Variants in MYZAP observed in about 807,000 individuals in gnomAD.
MYZAP encodes GRINL1A complex locus upstream.
MYZAP carries 66 observed loss-of-function variants against 69.4 expected under a neutral mutation model. That is an observed-to-expected ratio of 0.95 (90% CI 0.78 to 1.17). The LOEUF (loss-of-function observed/expected upper bound fraction) is 1.17, where lower values mean the gene tolerates loss of function less well. MYZAP is among the 50% of genes most tolerant of loss of function. MYZAP has a pLI of 0.00. For synonymous variants in MYZAP, 256 were observed against 205.9 expected, an observed-to-expected ratio of 1.24 and a Z score of -2.09; for missense variants, 611 against 556.2, an observed-to-expected ratio of 1.10 and a Z score of -0.99.
At chr15:57,616,065 G>GT (rs1165577322) in intron 2 of MYZAP, among the ~76,000 whole-genome samples, 5 of 152,222 alleles carry the variant, frequency 3.3e-5, no homozygotes, top group African/African-American at 1.2e-4. Context: ...TTAGAGACCT[G>GT]TAAGTTTAAT....
chr15:57,639,315 G>T, intron 9 of MYZAP, 125 bp from the exon 10 acceptor site: 1 of 1,015,346 alleles, frequency 9.8e-7, no homozygotes, highest in South Asian at 1.6e-5. Context: ...TTGAAGTGTT[G>T]GGATTACAGG....
intron 10 of MYZAP, among the ~76,000 whole-genome samples, chr15:57,656,466 G>A (rs1470420054): frequency 2.0e-5 from 3 of 152,220 alleles, no homozygotes; most frequent in African/African-American, 7.2e-5. Context: ...TTTGAAGTTA[G>A]TAGTCAGAAA....
Position 57,684,587 on chromosome 15 carries a change from C to G in MYZAP, c.*89C>G, listed in dbSNP as rs926989329. The G allele has an allele frequency of 1.6e-5, 13 of 813,018 alleles. No homozygotes were observed. Among genetic ancestry groups the G allele is most frequent in the Non-Finnish European group, 2.2e-5 (11 of 491,242 alleles). 50.4% of individuals were successfully genotyped at this position (813,018 alleles called of 1,614,324 possible). ...CTTTGGGAAGGGTGACTGTTGTTTCCCCTACACACAGTGTAAGCCGGAATG... is the reference window on the plus strand; with the variant it reads ...CTTTGGGAAGGGTGACTGTTGTTTCGCCTACACACAGTGTAAGCCGGAATG... On this transcript the variant is annotated 3_prime_UTR_variant, in exon 13 of 13. Transcript: ENST00000267853.
intron 10 of MYZAP, among the ~76,000 whole-genome samples, chr15:57,645,148 A>G (rs1443992701): frequency 6.6e-6 from 1 of 152,246 alleles, no homozygotes; most frequent in Non-Finnish European, 1.5e-5. Flanking sequence ...CACTTCTCAA[A>G]TTCAAGGCAA....
intron 9 of MYZAP, among the ~76,000 whole-genome samples, chr15:57,638,844 G>T (rs947167698): frequency 1.3e-5 from 2 of 152,220 alleles, no homozygotes; most frequent in Admixed American, 1.3e-4. Flanking sequence ...TGTGTTGCTG[G>T]ACCCCTTCTT....
At position 57,599,543 on chromosome 15, in the gene MYZAP, G is replaced by A. The variant is rs141026260; in HGVS notation, c.76-4726G>A. 6.7e-5 allele frequency: 85 copies of A among 1,266,680 alleles called. No individual in the cohort carries two copies. In the East Asian group the frequency reaches 4.1e-3, roughly 61 times the overall value. The allele number at this position is 1,266,680 out of a possible 1,614,324, so 78.5% of individuals were successfully genotyped here. ...TGTTCAGGGTAGGATGCAGTTCTTC[G>A]CATTGTGCATAACACAAGCCCTGAA... On this transcript the variant is annotated intron_variant, in intron 1 of 12. Coordinates refer to ENST00000267853, the MANE Select transcript of MYZAP (RefSeq NM_001018100.5).
At chr15:57,663,025 A>G (rs1472929013) in intron 11 of MYZAP, among the ~76,000 whole-genome samples, 1 of 152,146 alleles carries the variant, frequency 6.6e-6, no homozygotes, top group Non-Finnish European at 1.5e-5. Context: ...GTGAATGAAC[A>G]TTTCTGTTTC....
At chr15:57,666,143 T>G (rs1425253602) in intron 11 of MYZAP, among the ~76,000 whole-genome samples, 1 of 152,234 alleles carries the variant, frequency 6.6e-6, no homozygotes, top group Middle Eastern at 3.2e-3. Flanking sequence ...CATTCTGCCA[T>G]TATCTGTGCA....
At chr15:57,634,935 C>T (rs538201020) in intron 8 of MYZAP, among the ~76,000 whole-genome samples, 1 of 152,130 alleles carries the variant, frequency 6.6e-6, no homozygotes, top group Non-Finnish European at 1.5e-5. Context: ...TGAGCTTCCT[C>T]CCACATTATT....
chr15:57,661,345 G>C (rs1318601012), intron 10 of MYZAP, 105 bp from the exon 11 acceptor site: 6 of 867,916 alleles, frequency 6.9e-6, no homozygotes, highest in Non-Finnish European at 9.0e-6. Context: ...AATAGAAATA[G>C]AAATAAAAAT....
intron 11 of MYZAP, 130 bp from the exon 12 acceptor site, chr15:57,674,835 ATGC>A (rs1376676571): frequency 5.6e-6 from 4 of 710,114 alleles, no homozygotes; most frequent in Non-Finnish European, 9.2e-6. Context: ...TGTGTAAGTG[ATGC>A]TCTGTAAATA....
chr15:57,599,622 C>G (rs1338327400), intron 1 of MYZAP: 2 of 1,289,078 alleles, frequency 1.6e-6, no homozygotes, highest in Non-Finnish European at 2.0e-6. Context: ...CTTTCAGGCA[C>G]TGCCAAGCCT....
Position 57,685,241 on chromosome 15 carries a change from G to A in MYZAP, c.*743G>A, listed in dbSNP as rs1326867406. 9 of 152,108 alleles carry A rather than the reference G, an allele frequency of 5.9e-5. No homozygotes were observed. Among genetic ancestry groups the A allele is most frequent in the Non-Finnish European group, 1.5e-5 (1 of 68,024 alleles). The allele number at this position is 152,108 out of a possible 1,614,324, so 9.4% of individuals were successfully genotyped here. A position where few individuals can be genotyped will look rare whatever the true frequency, so the allele number is the denominator to read the frequency against. On this transcript the variant is annotated 3_prime_UTR_variant, in exon 13 of 13. Transcript: ENST00000267853. ...TATGTCTTGGAAATTTAATAATTTA[G>A]TGTTCTCAGTATCAATTGGTGTTTT...
At chr15:57,646,340 T>C in intron 10 of MYZAP, 1 of 1,192,788 alleles carries the variant, frequency 8.4e-7, no homozygotes, top group Non-Finnish European at 1.1e-6. Flanking sequence ...AAAGGAAAAT[T>C]TGACCATGTG....
At chr15:57,640,835 A>G in intron 10 of MYZAP, among the ~76,000 whole-genome samples, 1 of 152,222 alleles carries the variant, frequency 6.6e-6, no homozygotes, top group Non-Finnish European at 1.5e-5. Context: ...AGAGGAGGCC[A>G]CGCACGCATC....
At chr15:57,681,740 G>A (rs565535055) in intron 12 of MYZAP, among the ~76,000 whole-genome samples, 1 of 152,158 alleles carries the variant, frequency 6.6e-6, no homozygotes, top group Admixed American at 6.5e-5. Context: ...AGCTGAGATC[G>A]TGCCACTGCA....
At chr15:57,669,257 G>C (rs1343496777) in intron 11 of MYZAP, among the ~76,000 whole-genome samples, 3 of 151,968 alleles carry the variant, frequency 2.0e-5, no homozygotes, top group African/African-American at 7.2e-5. Flanking sequence ...TTTGTCTTTT[G>C]TGTCCTGAGA....
chr15:57,638,631 G>A (rs1380521354), intron 9 of MYZAP, among the ~76,000 whole-genome samples: 2 of 152,178 alleles, frequency 1.3e-5, no homozygotes, highest in African/African-American at 4.8e-5. Context: ...CGGCCCCAGA[G>A]AACTGAAGAG....
At chr15:57,682,005 A>C (rs1429014439) in intron 12 of MYZAP, among the ~76,000 whole-genome samples, 1 of 152,086 alleles carries the variant, frequency 6.6e-6, no homozygotes, top group African/African-American at 2.4e-5. Flanking sequence ...TCATATACAC[A>C]TTTTGTCATC....
Sources: allele counts gnomAD v4.1 joint callset (sites outside exome capture counted in the v4.1 genomes callset), GRCh38; gene constraint gnomAD v4.1.1; transcripts MANE v1.5; gene names NCBI Gene and HGNC (gene_info 2026-07-23, HGNC 2026-07-21).